The following PRUNE2 variants were observed in gnomAD, a reference collection of about 807,000 sequenced individuals.
PRUNE2 encodes the protein prune homolog 2 with BCH domain.
A neutral mutation model predicts 252.0 loss-of-function variants in PRUNE2; 164 were observed. The observed-to-expected ratio is 0.65, with a 90% CI of 0.57 to 0.74. The LOEUF (loss-of-function observed/expected upper bound fraction) is 0.74. Ranked by LOEUF, PRUNE2 falls within the 30% of genes least tolerant of loss-of-function variation. The pLI is 0.00. For synonymous variants in PRUNE2, 1,292 were observed against 1,350.2 expected, an observed-to-expected ratio of 0.96 and a Z score of 0.94; for missense variants, 3,495 against 3,711.0, an observed-to-expected ratio of 0.94 and a Z score of 1.51.
chr9:76,668,807 G>A (rs904437037), intron 9 of PRUNE2, among the ~76,000 whole-genome samples: 9 of 151,446 alleles, frequency 5.9e-5, no homozygotes, highest in Non-Finnish European at 8.8e-5. Context: ...GGGAGGCATC[G>A]TCGTTTGGAG....
At chr9:76,678,686 G>T (rs994024349) in intron 9 of PRUNE2, among the ~76,000 whole-genome samples, 1 of 151,804 alleles carries the variant, frequency 6.6e-6, no homozygotes, top group Non-Finnish European at 1.5e-5. Flanking sequence ...AAAATTAGCC[G>T]GGCGTGGTGG....
Position 76,826,717 on chromosome 9 carries a change from T to C in PRUNE2, c.524A>G (p.Lys175Arg). The C allele has an allele frequency of 6.2e-7, 1 of 1,607,638 alleles. No homozygotes were observed. Among genetic ancestry groups the C allele is most frequent in the Non-Finnish European group, 8.5e-7 (1 of 1,176,192 alleles). ...CTTCTCTGATTCCATGGTCATCCAC[T>C]TGAAAAGAATGCTACCTGAAAGGTA... ...AHRLRGSILF[K>R]WMTMESEKIS... Residue 175 changes from lysine to arginine, a missense_variant, in exon 5 of 19, where the codon AAG becomes AGG. Lys to Arg is a conservative substitution (Grantham distance 26). Coordinates refer to ENST00000376718, the MANE Select transcript of PRUNE2 (RefSeq NM_015225.3).
chr9:76,763,264 C>A (rs1279530689), intron 6 of PRUNE2, among the ~76,000 whole-genome samples: 1 of 152,198 alleles, frequency 6.6e-6, no homozygotes, highest in Non-Finnish European at 1.5e-5. Flanking sequence ...AAAATGGGAT[C>A]ATAGCAGGAC....
intron 6 of PRUNE2, among the ~76,000 whole-genome samples, chr9:76,761,073 G>C (rs2051673147): frequency 7.6e-6 from 1 of 132,334 alleles, no homozygotes; most frequent in South Asian, 2.6e-4. Context: ...GTGACAGACT[G>C]AGACTCTGTC....
intron 1 of PRUNE2, among the ~76,000 whole-genome samples, chr9:76,856,758 C>CT (rs959439384): frequency 1.4e-3 from 200 of 146,632 alleles, no homozygotes; most frequent in African/African-American, 2.9e-3. Context: ...TTTTCTTTTT[C>CT]TTTTTTTTTT....
At chr9:76,717,729 T>C (rs964162374) in intron 6 of PRUNE2, among the ~76,000 whole-genome samples, 2 of 152,206 alleles carry the variant, frequency 1.3e-5, no homozygotes, top group Non-Finnish European at 2.9e-5. Context: ...AGCCTATAAC[T>C]GCTGCATGGA....
At chr9:76,656,289 C>T (rs1849195676) in intron 9 of PRUNE2, among the ~76,000 whole-genome samples, 3 of 152,248 alleles carry the variant, frequency 2.0e-5, no homozygotes, top group African/African-American at 7.2e-5. Flanking sequence ...TATTTTCATC[C>T]CTGGACCTTT....
chr9:76,803,380 T>C (rs949901669), intron 6 of PRUNE2, among the ~76,000 whole-genome samples: 2 of 152,184 alleles, frequency 1.3e-5, no homozygotes, highest in Admixed American at 6.5e-5. Flanking sequence ...CTATAGGACA[T>C]ATACAGATAA....
chr9:76,829,096 C>T (rs542060855), intron 4 of PRUNE2, among the ~76,000 whole-genome samples: 3 of 151,772 alleles, frequency 2.0e-5, no homozygotes, highest in African/African-American at 4.8e-5. Flanking sequence ...TCATCTGCCT[C>T]TCGCTCTGAT....
intron 1 of PRUNE2, among the ~76,000 whole-genome samples, chr9:76,882,999 T>C (rs1240358324): frequency 6.6e-6 from 1 of 152,176 alleles, no homozygotes; most frequent in African/African-American, 2.4e-5. Context: ...CTTTCAGGCC[T>C]CAGTTTTCTT....
At chr9:76,751,407 T>C in intron 6 of PRUNE2, among the ~76,000 whole-genome samples, 1 of 152,252 alleles carries the variant, frequency 6.6e-6, no homozygotes, top group East Asian at 1.9e-4. Context: ...CTAGGCTTAA[T>C]GCCAGCACAG....
At chr9:76,645,544 C>CAAGACCCCA (rs1412843724) in intron 11 of PRUNE2, among the ~76,000 whole-genome samples, 1 of 151,672 alleles carries the variant, frequency 6.6e-6, no homozygotes, top group African/African-American at 2.4e-5. Flanking sequence ...AGAAATGCTC[C>CAAGACCCCA]AAGACCCCAA....
chr9:76,711,202 G>A lies in PRUNE2; in HGVS notation c.1072C>T (p.Pro358Ser), dbSNP rs267602280. Residue 358 changes from proline (P) to serine (S), a missense_variant, in exon 8 of 19, where the codon CCA becomes TCA. Physicochemically the swap from Pro to Ser is moderately conservative, Grantham distance 74. Coordinates refer to ENST00000376718, the MANE Select transcript of PRUNE2 (RefSeq NM_015225.3). Reference sequence around the variant, plus strand: ...GTCCGGCTATTGGAGACCATCTCTGGACACCTCCTGTTGATGACTTCCTTG... The same window carrying A: ...GTCCGGCTATTGGAGACCATCTCTGAACACCTCCTGTTGATGACTTCCTTG... ...VVKEVINRRC[P>S]EMVSNSRTSS... is the part of the protein sequence containing the mutation. The A allele has an allele frequency of 8.1e-6, 13 of 1,613,794 alleles. No homozygotes were observed. Among genetic ancestry groups the A allele is most frequent in the Admixed American group, 3.3e-5 (2 of 59,986 alleles).
intron 13 of PRUNE2, among the ~76,000 whole-genome samples, chr9:76,637,916 A>T (rs1840838784): frequency 6.6e-6 from 1 of 152,220 alleles, no homozygotes; most frequent in Non-Finnish European, 1.5e-5. Context: ...TGAAGGAACA[A>T]AAATAATACT....
chr9:76,651,324 G>A (rs1847300387), intron 11 of PRUNE2, among the ~76,000 whole-genome samples: 1 of 152,152 alleles, frequency 6.6e-6, no homozygotes, highest in African/African-American at 2.4e-5. Flanking sequence ...AGTCTGAACT[G>A]CACTGCTCAT....
At chr9:76,653,270 T>TTG (rs1244813904) in intron 10 of PRUNE2, among the ~76,000 whole-genome samples, 2 of 152,306 alleles carry the variant, frequency 1.3e-5, no homozygotes, top group African/African-American at 4.8e-5. Context: ...ACATATACAG[T>TTG]TGTCCCTTGA....
At chr9:76,711,978 G>T (rs747372249) in intron 7 of PRUNE2, among the ~76,000 whole-genome samples, 17 of 152,190 alleles carry the variant, frequency 1.1e-4, no homozygotes, top group Non-Finnish European at 1.8e-4. Flanking sequence ...GATGGTCAGT[G>T]TGAGGCCAGA....
At chr9:76,725,525 T>TA (rs1273973419) in intron 6 of PRUNE2, among the ~76,000 whole-genome samples, 2 of 152,130 alleles carry the variant, frequency 1.3e-5, no homozygotes, top group African/African-American at 4.8e-5. Flanking sequence ...CCCCCTTTGC[T>TA]ATCAACCCAA....
At chr9:76,855,585 T>C (rs561138797) in intron 1 of PRUNE2, among the ~76,000 whole-genome samples, 2 of 152,298 alleles carry the variant, frequency 1.3e-5, no homozygotes, top group East Asian at 1.9e-4. Context: ...TCAATAAATA[T>C]AACAAACCAA....
Sources: gnomAD v4.1 joint callset for allele counts (sites outside exome capture counted in the v4.1 genomes callset) on GRCh38, gnomAD v4.1.1 for gene constraint, MANE v1.5 for transcripts, NCBI Gene and HGNC (gene_info 2026-07-23, HGNC 2026-07-21) for gene names.